Variants in SYNE2 observed in about 807,000 individuals in gnomAD.
SYNE2 encodes the protein spectrin repeat containing nuclear envelope protein 2, also known as nesprin-2.
A neutral mutation model predicts 856.3 loss-of-function variants in SYNE2; 431 were observed. That is an observed-to-expected ratio of 0.50 (90% CI 0.47 to 0.55). The LOEUF is 0.55. Among genes scored for constraint, SYNE2 ranks in the 20% least tolerant of loss-of-function variants. SYNE2 has a pLI of 0.00. For missense variants in SYNE2, 8,129 were observed against 8,023.2 expected (o/e 1.01, Z -0.50); for synonymous variants, 2,923 against 2,872.3 (o/e 1.02, Z -0.56).
intron 2 of SYNE2, 36 bp downstream of exon 2, chr14:63,909,263 A>G (rs2095443989): frequency 6.9e-7 from 1 of 1,452,824 alleles, no homozygotes; most frequent in African/African-American, 1.4e-5. Flanking sequence ...ACCCACAGAA[A>G]CTGGGGAAAC....
At chr14:63,776,600 CT>C (rs35847392) in intron 1 of SYNE2, among the ~76,000 whole-genome samples, 9,043 of 133,326 alleles carry the variant, frequency 0.068, 277 homozygotes, top group Admixed American at 0.099. Flanking sequence ...TTCTTTCTTT[CT>C]TTTTTTTTTT....
At chr14:64,225,246 C>A (rs1334191507) in intron 115 of SYNE2, 73 bp from the exon 116 acceptor site, 1 of 1,609,984 alleles carries the variant, frequency 6.2e-7, no homozygotes, top group South Asian at 1.1e-5. Context: ...CTTACATAAG[C>A]AGGGGCTTAG....
At chr14:63,882,342 A>G (rs2094883605) in intron 1 of SYNE2, among the ~76,000 whole-genome samples, 1 of 152,188 alleles carries the variant, frequency 6.6e-6, no homozygotes, top group South Asian at 2.1e-4. Flanking sequence ...CTTAAAACAT[A>G]TTCCATATGT....
intron 51 of SYNE2, among the ~76,000 whole-genome samples, chr14:64,069,715 G>T (rs1156505640): frequency 6.6e-6 from 1 of 152,130 alleles, no homozygotes; most frequent in Non-Finnish European, 1.5e-5. Flanking sequence ...AGAAGTCCTG[G>T]CATGCCCCAG....
intron 8 of SYNE2, among the ~76,000 whole-genome samples, chr14:63,955,663 G>A (rs1403378270): frequency 2.0e-5 from 3 of 152,168 alleles, no homozygotes; most frequent in Non-Finnish European, 4.4e-5. Flanking sequence ...AATGTTTAGT[G>A]ACTGGCTCTC....
upstream of SYNE2, among the ~76,000 whole-genome samples, chr14:63,849,795 C>T (rs2139953881): frequency 6.6e-6 from 1 of 152,272 alleles, no homozygotes; most frequent in East Asian, 1.9e-4. Flanking sequence ...GGCCAACTCT[C>T]TTGAGTTCCT....
chr14:64,189,554 CTG>C (rs1054325521), intron 98 of SYNE2, among the ~76,000 whole-genome samples: 5 of 152,180 alleles, frequency 3.3e-5, no homozygotes, highest in Admixed American at 6.5e-5. Flanking sequence ...TAGAAGAAAT[CTG>C]TGAGAGGAAA....
rs1890761668 is a variant in SYNE2 at position 63,853,124 on chromosome 14, G to T, written c.-71G>T. ...TCGGGCGGCCCCGGCCCGCGCCCTTGCCCCTCGGCCGGGCGGACGGTGGGT... is the reference window on the plus strand; with the variant it reads ...TCGGGCGGCCCCGGCCCGCGCCCTTTCCCCTCGGCCGGGCGGACGGTGGGT... On this transcript the variant is annotated 5_prime_UTR_variant, in exon 1 of 116. Coordinates refer to ENST00000555002, the MANE Select transcript of SYNE2 (RefSeq NM_182914.3). The T allele has an allele frequency of 6.6e-6, 1 of 151,460 alleles. No individual in the cohort carries two copies. The highest frequency in any genetic ancestry group is 1.5e-5 in the Non-Finnish European group (1 of 67,850). The allele number at this position is 151,460 out of a possible 1,614,324, so 9.4% of individuals were successfully genotyped here. A position where few individuals can be genotyped will look rare whatever the true frequency, so the allele number is the denominator to read the frequency against.
chr14:64,003,248 C>A lies in SYNE2; in HGVS notation c.4315C>A (p.Leu1439Ile). 6.2e-7 allele frequency: 1 copy of A among 1,613,660 alleles called. No homozygotes were observed. Among genetic ancestry groups the A allele is most frequent in the Non-Finnish European group, 8.5e-7 (1 of 1,179,844 alleles). Residue 1439 changes from leucine to isoleucine, a missense_variant, in exon 30 of 116, where the codon CTC becomes ATC. This residue lies in a region of SYNE2 where 2,422 missense variants were observed against 2,357.4 expected (regional missense o/e 1.03). Coordinates refer to ENST00000555002, the MANE Select transcript of SYNE2 (RefSeq NM_182914.3). The part of the protein sequence containing the change: ...LEACIFKNNE[L>I]LKNIQDVQSQ... ...GGCTTGTATTTTCAAAAATAATGAA[C>A]TCCTTAAAAATATTCAAGATGTGCA...
At chr14:63,945,951 A>G (rs1304926046) in intron 6 of SYNE2, among the ~76,000 whole-genome samples, 1 of 152,196 alleles carries the variant, frequency 6.6e-6, no homozygotes, top group African/African-American at 2.4e-5. Flanking sequence ...AATGGAACTG[A>G]TGGTGTCAGA....
chr14:64,100,547 T>TAG (rs1272258147), intron 63 of SYNE2, among the ~76,000 whole-genome samples: 29 of 85,586 alleles, frequency 3.4e-4, no homozygotes, highest in East Asian at 1.8e-3. Flanking sequence ...TATATATATA[T>TAG]ATATATATAT....
intron 79 of SYNE2, among the ~76,000 whole-genome samples, chr14:64,139,493 C>A (rs909670008): frequency 1.1e-4 from 16 of 152,136 alleles, no homozygotes; most frequent in African/African-American, 3.6e-4. Flanking sequence ...CTCACTGCAA[C>A]CTCCACCTCT....
At chr14:64,224,862 A>AT in intron 114 of SYNE2, 137 bp from the exon 115 acceptor site, 1 of 810,846 alleles carries the variant, frequency 1.2e-6, no homozygotes. Flanking sequence ...TCTCAATTGT[A>AT]TTACTCTAGT....
intron 38 of SYNE2, chr14:64,023,558 C>A (rs191281148): frequency 1.4e-4 from 22 of 152,684 alleles, no homozygotes; most frequent in African/African-American, 4.1e-4. Context: ...AGTTATATTT[C>A]TTTTAAAAAT....
chr14:63,901,028 C>T (rs1008844163), intron 1 of SYNE2, among the ~76,000 whole-genome samples: 2 of 152,180 alleles, frequency 1.3e-5, no homozygotes, highest in African/African-American at 4.8e-5. Flanking sequence ...AAAGAAATAA[C>T]GTGAATGCTA....
chr14:63,814,865 T>C (rs919375100), intron 1 of SYNE2, among the ~76,000 whole-genome samples: 7 of 68,424 alleles, frequency 1.0e-4, no homozygotes, highest in Non-Finnish European at 1.9e-4. Flanking sequence ...CATATATATC[T>C]CTCCATATAT....
At chr14:63,785,588 A>G (rs1188105471) in intron 1 of SYNE2, among the ~76,000 whole-genome samples, 1 of 152,206 alleles carries the variant, frequency 6.6e-6, no homozygotes, top group East Asian at 1.9e-4. Context: ...ACCTGCTTCT[A>G]GGGATGAATT....
At chr14:63,879,797 A>G (rs1385682574) in intron 1 of SYNE2, among the ~76,000 whole-genome samples, 1 of 152,366 alleles carries the variant, frequency 6.6e-6, no homozygotes, top group South Asian at 2.1e-4. Context: ...AAATTCTTCA[A>G]TTAGTCTGAA....
At position 64,170,427 on chromosome 14, in the gene SYNE2, C is replaced by T. The variant is rs562082597; in HGVS notation, c.17200C>T (p.Leu5734Phe). Residue 5734 changes from leucine to phenylalanine, a missense_variant, in exon 94 of 116, where the codon CTC becomes TTC. By Grantham distance (22) the Leu-to-Phe change is conservative (BLOSUM62 0). Around this residue, in one of 3 missense-constraint regions of SYNE2, gnomAD observed 5,410 missense variants for 5,284.8 expected, o/e 1.02. Transcript: ENST00000555002. ...AGTGAAGGGCCAGGAGCGCTTCAGC[C>T]TCTACCAAACCAGAAGTCTGATCCA... is the stretch of plus-strand genomic sequence containing the variant. ...SAVKGQERFS[L>F]YQTRSLIHEL... 40 of 1,613,630 alleles carry T rather than the reference C, an allele frequency of 2.5e-5. 1 individual carries two copies. The South Asian group carries it at 4.1e-4, about 16-fold the overall frequency.
Sources: allele counts gnomAD v4.1 joint callset (sites outside exome capture counted in the v4.1 genomes callset), GRCh38; gene constraint gnomAD v4.1.1; regional missense constraint gnomAD v4.1.1; transcripts MANE v1.5; gene names NCBI Gene and HGNC (gene_info 2026-07-23, HGNC 2026-07-21).